Variants in MICAL3 observed in about 807,000 individuals in gnomAD.
MICAL3 encodes [F-actin]-monooxygenase MICAL3.
MICAL3 carries 62 observed loss-of-function variants against 207.4 expected under a neutral mutation model. That is an observed-to-expected ratio of 0.30 (90% CI 0.24 to 0.37). The LOEUF is 0.37. MICAL3 is among the 10% of genes least tolerant of loss of function. The probability of loss-of-function intolerance (pLI) is 1.00; values close to 1 mark genes in which losing one functional copy is unlikely to be tolerated. For synonymous variants in MICAL3, 1,077 were observed against 1,069.3 expected (o/e 1.01, Z -0.14); for missense variants, 2,368 against 2,635.6 (o/e 0.90, Z 2.22).
rs140145176 is a variant in MICAL3, at chr22:17,879,927, C to T, written c.2241+5951G>A. 6.3e-3 allele frequency among the ~76,000 whole-genome samples: 959 copies of T among 152,184 alleles called. 4 individuals carry two copies. The highest frequency in any genetic ancestry group is 0.027 in the Middle Eastern group (8 of 294). On this transcript the variant is annotated intron_variant, in intron 16 of 31. Transcript: ENST00000441493. ...AAGGGAGAAGTGAATGTGTTTTTGG[C>T]GAATGGACGGGAAGGTATATGTGAA...
chr22:17,869,103 C>T (rs1277263919), intron 17 of MICAL3, among the ~76,000 whole-genome samples: 1 of 152,140 alleles, frequency 6.6e-6, no homozygotes, highest in Non-Finnish European at 1.5e-5. Flanking sequence ...GGAGCAGTGG[C>T]TTCATCATGC....
intron 29 of MICAL3, among the ~76,000 whole-genome samples, chr22:17,800,735 CG>C (rs1206791818): frequency 1.3e-5 from 2 of 152,122 alleles, no homozygotes; most frequent in East Asian, 3.9e-4. Flanking sequence ...AATGGGGCTT[CG>C]GGGTGGCCTT....
At chr22:18,012,954 G>A (rs1168158551) in intron 1 of MICAL3, among the ~76,000 whole-genome samples, 1 of 152,152 alleles carries the variant, frequency 6.6e-6, no homozygotes, top group Non-Finnish European at 1.5e-5. Flanking sequence ...AGCTTCTATT[G>A]TGGAAACTAC....
chr22:17,860,563 A>G (rs1421411325), intron 19 of MICAL3: 15 of 985,410 alleles, frequency 1.5e-5, no homozygotes, highest in Non-Finnish European at 1.8e-5. Flanking sequence ...CAGCCTAGGA[A>G]TGTTCCAGTG....
chr22:17,853,320 T>G (rs1925534485), intron 19 of MICAL3, among the ~76,000 whole-genome samples: 1 of 152,208 alleles, frequency 6.6e-6, no homozygotes, highest in Non-Finnish European at 1.5e-5. Flanking sequence ...TGCTGCAGCC[T>G]GGAGACAGCC....
At chr22:17,821,087 T>TTAAACA (rs1921597151) in intron 25 of MICAL3, among the ~76,000 whole-genome samples, 1 of 151,828 alleles carries the variant, frequency 6.6e-6, no homozygotes, top group Admixed American at 6.6e-5. Flanking sequence ...TTTGTTTAAA[T>TTAAACA]TAAACATATG....
At chr22:17,963,121 T>C (rs967066757) in intron 1 of MICAL3, among the ~76,000 whole-genome samples, 2 of 152,084 alleles carry the variant, frequency 1.3e-5, no homozygotes, top group African/African-American at 4.8e-5. Context: ...CAGATTTACT[T>C]ACTTATTTTT....
intron 29 of MICAL3, among the ~76,000 whole-genome samples, chr22:17,798,657 AG>A (rs1224118141): frequency 6.7e-6 from 1 of 148,902 alleles, no homozygotes; most frequent in Admixed American, 6.6e-5. Flanking sequence ...AATGATAAAT[AG>A]TGTTGGAGCA....
chr22:17,909,196 T>C (rs554171701), intron 1 of MICAL3, among the ~76,000 whole-genome samples: 1 of 152,290 alleles, frequency 6.6e-6, no homozygotes, highest in South Asian at 2.1e-4. Flanking sequence ...ATATATCACG[T>C]ACTCAACAAA....
intron 16 of MICAL3, chr22:17,879,442 C>A (rs984156362): frequency 6.4e-7 from 1 of 1,567,368 alleles, no homozygotes; most frequent in Admixed American, 1.8e-5. Flanking sequence ...CCATGCATAT[C>A]GCTCTATTTG....
intron 29 of MICAL3, among the ~76,000 whole-genome samples, chr22:17,804,497 C>G (rs957124136): frequency 2.5e-4 from 38 of 152,228 alleles, no homozygotes; most frequent in African/African-American, 9.2e-4. Context: ...AGGAAACGAG[C>G]AGAGACTCAT....
intron 1 of MICAL3, chr22:18,005,544 G>T (rs1242924332): frequency 6.6e-6 from 1 of 152,240 alleles, no homozygotes; most frequent in African/African-American, 2.4e-5. Context: ...AGGGAGTGTG[G>T]TACAAGGAGT....
rs748250545 is a variant in MICAL3 at position 17,831,897 on chromosome 22, C to G, written c.3012G>C (p.Glu1004Asp). 1 of 1,556,048 alleles carries G rather than the reference C, an allele frequency of 6.4e-7. No homozygotes were observed. The highest frequency in any genetic ancestry group is 1.9e-5 in the Admixed American group (1 of 51,284). Residue 1004 changes from glutamate (E) to aspartate (D), a missense_variant, in exon 21 of 32, where the codon GAG (glutamate) becomes GAC (aspartate). By Grantham distance (45) the Glu-to-Asp change is conservative. Around this residue, in one of 4 missense-constraint regions of MICAL3, gnomAD observed 1,770 missense variants for 1,863.2 expected, o/e 0.95. Transcript: ENST00000441493. Reference sequence around the variant, plus strand: ...CCTCCTCGTCATAGTCCTCCTCCTCCTCCTCTTCATATTCTTCCTCCTCCT... The same window carrying G: ...CCTCCTCGTCATAGTCCTCCTCCTCGTCCTCTTCATATTCTTCCTCCTCCT... ...EEEEEEEYEE[E>D]EEEDYDEEEE...
intron 19 of MICAL3, among the ~76,000 whole-genome samples, chr22:17,858,934 C>T (rs898973671): frequency 6.6e-6 from 1 of 152,160 alleles, no homozygotes; most frequent in African/African-American, 2.4e-5. Flanking sequence ...ATCCTTATTA[C>T]TGACGCTTAG....
chr22:17,821,280 G>T, intron 25 of MICAL3, 147 bp downstream of exon 25: 1 of 636,658 alleles, frequency 1.6e-6, no homozygotes, highest in South Asian at 2.2e-5. Flanking sequence ...ATAGTTTTCA[G>T]TCTTCCTCAG....
chr22:17,856,873 G>A (rs1052453990), intron 19 of MICAL3, among the ~76,000 whole-genome samples: 3 of 151,618 alleles, frequency 2.0e-5, no homozygotes, highest in Admixed American at 1.3e-4. Context: ...CACCCGCCTC[G>A]GCCTCCCAAA....
intron 1 of MICAL3, among the ~76,000 whole-genome samples, chr22:17,987,999 A>G (rs1921224618): frequency 6.6e-6 from 1 of 152,198 alleles, no homozygotes; most frequent in African/African-American, 2.4e-5. Context: ...AGGCTGCCCC[A>G]GTCACAGCAG....
At chr22:17,823,789 G>A (rs773925220) in intron 22 of MICAL3, among the ~76,000 whole-genome samples, 1 of 152,104 alleles carries the variant, frequency 6.6e-6, no homozygotes, top group African/African-American at 2.4e-5. Context: ...AAACACTTCT[G>A]GTCTCAAACA....
chr22:17,877,109 GGAGGTT>G, intron 16 of MICAL3, among the ~76,000 whole-genome samples: 1 of 148,466 alleles, frequency 6.7e-6, no homozygotes, highest in Non-Finnish European at 1.5e-5. Flanking sequence ...GGGAGGTTAT[GGAGGTT>G]AGGGAGGTTA....
Sources: gnomAD v4.1 joint callset for allele counts (sites outside exome capture counted in the v4.1 genomes callset) on GRCh38, gnomAD v4.1.1 for gene constraint, gnomAD v4.1.1 regional missense constraint, MANE v1.5 for transcripts, NCBI Gene and HGNC (gene_info 2026-07-23, HGNC 2026-07-21) for gene names.